Variants in REPS2 observed in about 807,000 individuals in gnomAD.
REPS2 encodes the protein RALBP1 associated Eps domain containing 2.
Under a neutral mutation model 53.6 loss-of-function variants are expected in REPS2, and 23 were observed. The ratio of observed to expected loss-of-function variants is 0.43; its 90% CI spans 0.31 to 0.61. The LOEUF (loss-of-function observed/expected upper bound fraction) is 0.61, where lower values mean the gene tolerates loss of function less well. Ranked by LOEUF, REPS2 falls within the 20% of genes least tolerant of loss-of-function variation. The pLI is 0.11. For synonymous variants in REPS2, 238 were observed against 218.6 expected, an observed-to-expected ratio of 1.09 and a Z score of -0.78; for missense variants, 446 against 534.9, an observed-to-expected ratio of 0.83 and a Z score of 1.64.
intron 13 of REPS2, among the ~76,000 whole-genome samples, chrX:17,079,178 A>G (rs2062420874): frequency 9.0e-6 from 1 of 111,658 alleles, no homozygotes; most frequent in African/African-American, 3.3e-5. Flanking sequence ...TGGATTTTGG[A>G]TTTTTGGGAT....
At chrX:17,195,031 A>G in the REPS2 span, among the ~76,000 whole-genome samples, 1 of 112,468 alleles carries the variant, frequency 8.9e-6, no homozygotes, top group South Asian at 3.7e-4. Flanking sequence ...ATCTATTTTT[A>G]GATTGCAGGA....
Position 17,150,271 on chromosome X carries a change from A to G in REPS2, c.*2790A>G, listed in dbSNP as rs1372139248. ...TACCTCTTCCATAAAACGACTCCAA[A>G]GTTAGACCTGCCTGTTGGGGAGAAT... On this transcript the variant is annotated 3_prime_UTR_variant, in exon 18 of 18. Transcript: ENST00000357277. 3 of 112,445 alleles carry G rather than the reference A, an allele frequency of 2.7e-5. No individual in the cohort carries two copies. The highest frequency in any genetic ancestry group is 5.6e-5 in the Non-Finnish European group (3 of 53,304). The allele number at this position is 112,445 out of a possible 1,213,427, so 9.3% of individuals were successfully genotyped here.
In REPS2 at chrX:16,996,147, A is replaced by G. The variant is rs113653819; in HGVS notation, c.274-10074A>G. ...TGGGGATGAGGTGCAGGACAAAGACAGACGAGAGGAAGACCAAGCCTTAAA... is the reference window on the plus strand; with the variant it reads ...TGGGGATGAGGTGCAGGACAAAGACGGACGAGAGGAAGACCAAGCCTTAAA... On this transcript the variant is annotated intron_variant, in intron 1 of 17. Coordinates refer to ENST00000357277, the MANE Select transcript of REPS2 (RefSeq NM_004726.3). Among the ~76,000 whole-genome samples the G allele has an allele frequency of 4.5e-3, 501 of 111,558 alleles. 2 individuals are homozygous for G. Among genetic ancestry groups the G allele is most frequent in the African/African-American group, 0.016 (481 of 30,634 alleles).
At chrX:17,010,443 G>C (rs1358110262) in intron 2 of REPS2, among the ~76,000 whole-genome samples, 1 of 112,065 alleles carries the variant, frequency 8.9e-6, no homozygotes, top group African/African-American at 3.2e-5. Context: ...AGGAAGTGAG[G>C]TGATCCTTGG....
At chrX:17,108,405 C>T (rs2062905680) in intron 14 of REPS2, among the ~76,000 whole-genome samples, 1 of 110,460 alleles carries the variant, frequency 9.1e-6, no homozygotes, top group Non-Finnish European at 1.9e-5. Flanking sequence ...AACTCCTGAC[C>T]TCGTGATCTG....
the REPS2 span, among the ~76,000 whole-genome samples, chrX:17,180,769 G>T: frequency 9.0e-6 from 1 of 111,530 alleles, no homozygotes; most frequent in East Asian, 2.8e-4. Context: ...AGATGATAGT[G>T]ATGATGATGA....
chrX:17,061,918 T>C (rs2062163648), intron 8 of REPS2, among the ~76,000 whole-genome samples: 1 of 112,566 alleles, frequency 8.9e-6, no homozygotes, highest in Non-Finnish European at 1.9e-5. Context: ...ATTTTTATCA[T>C]TCCTGCCAAC....
chrX:17,165,222 CTG>C, the REPS2 span, among the ~76,000 whole-genome samples: 2 of 112,202 alleles, frequency 1.8e-5, no homozygotes, highest in Admixed American at 9.5e-5. Context: ...ATCAGTCAGA[CTG>C]TGAGAGAAGC....
chrX:17,079,624 A>G (rs1030277064), intron 13 of REPS2, among the ~76,000 whole-genome samples: 20 of 112,174 alleles, frequency 1.8e-4, no homozygotes, highest in African/African-American at 6.2e-4. Flanking sequence ...TAATGCCCTG[A>G]CGATCTCCCT....
At chrX:16,985,147 A>G (rs1347746401) in intron 1 of REPS2, among the ~76,000 whole-genome samples, 7 of 111,428 alleles carry the variant, frequency 6.3e-5, no homozygotes, top group East Asian at 2.8e-4. Flanking sequence ...TTAGATTTCT[A>G]TGAAACTTGA....
intron 5 of REPS2, among the ~76,000 whole-genome samples, chrX:17,035,225 A>C (rs2061751717): frequency 9.1e-6 from 1 of 110,447 alleles, no homozygotes; most frequent in Non-Finnish European, 1.9e-5. Context: ...AACAGCAGGA[A>C]ATAGCCTTTG....
chrX:16,970,197 C>CT lies in REPS2; in HGVS notation c.273+23080dup, dbSNP rs764611742. Among the ~76,000 whole-genome samples, 635 of 98,979 alleles carry CT rather than the reference C, an allele frequency of 6.4e-3. 3 individuals carry two copies. Among genetic ancestry groups the CT allele is most frequent in the Non-Finnish European group, 8.1e-3 (394 of 48,526 alleles). The allele number at this position is 98,979 out of a possible 115,157, so 86.0% of individuals were successfully genotyped here. On this transcript the variant is annotated intron_variant, in intron 1 of 17. Transcript: ENST00000357277. ...TTCTCCTTTGTCTGTTGTTTTCCCACTTTTTTTTTTTTTTTTTAAGACGGA... is the reference window on the plus strand; with the variant it reads ...TTCTCCTTTGTCTGTTGTTTTCCCACTTTTTTTTTTTTTTTTTTAAGACGGA...
intron 4 of REPS2, among the ~76,000 whole-genome samples, chrX:17,026,043 T>C (rs1176439516): frequency 9.0e-6 from 1 of 111,656 alleles, no homozygotes; most frequent in African/African-American, 3.3e-5. Flanking sequence ...GAAATAAAAC[T>C]GCGCGCTAGG....
intron 5 of REPS2, among the ~76,000 whole-genome samples, chrX:17,036,975 G>A (rs2061773850): frequency 9.1e-6 from 1 of 110,478 alleles, no homozygotes; most frequent in South Asian, 3.8e-4. Context: ...CCAGCTGGAC[G>A]TTTATACCAT....
At chrX:17,101,117 G>T (rs1254816426) in intron 13 of REPS2, among the ~76,000 whole-genome samples, 1 of 97,180 alleles carries the variant, frequency 1.0e-5, no homozygotes, top group Non-Finnish European at 2.1e-5. Flanking sequence ...GCAGTGGTGT[G>T]ATCTCGGCTC....
chrX:17,132,399 A>G, intron 14 of REPS2, among the ~76,000 whole-genome samples: 1 of 112,318 alleles, frequency 8.9e-6, no homozygotes, highest in Non-Finnish European at 1.9e-5. Flanking sequence ...GTTTCTCCAC[A>G]CCACAAGGCC....
intron 13 of REPS2, among the ~76,000 whole-genome samples, chrX:17,086,137 C>T (rs2062532533): frequency 1.8e-5 from 2 of 111,516 alleles, no homozygotes; most frequent in South Asian, 7.5e-4. Flanking sequence ...GACTTTTTCA[C>T]ATTCTGTATT....
At chrX:17,042,362 G>A (rs2061841756) in intron 5 of REPS2, among the ~76,000 whole-genome samples, 1 of 111,479 alleles carries the variant, frequency 9.0e-6, no homozygotes, top group Admixed American at 9.6e-5. Context: ...ATTTCTCAGT[G>A]CCTTCAGGCT....
intron 14 of REPS2, among the ~76,000 whole-genome samples, chrX:17,118,589 A>G (rs1477370924): frequency 8.9e-6 from 1 of 112,267 alleles, no homozygotes; most frequent in Non-Finnish European, 1.9e-5. Context: ...AGGGCTGGAA[A>G]AGGTTTCTGG....
Sources: allele counts gnomAD v4.1 joint callset (sites outside exome capture counted in the v4.1 genomes callset), GRCh38; gene constraint gnomAD v4.1.1; transcripts MANE v1.5; gene names NCBI Gene and HGNC (gene_info 2026-07-23, HGNC 2026-07-21).